The following SMARCC1 variants were observed in gnomAD, a reference collection of about 807,000 sequenced individuals.
SMARCC1 encodes the protein SWI/SNF related BAF chromatin remodeling complex subunit C1.
A neutral mutation model predicts 147.4 loss-of-function variants in SMARCC1; 43 were observed. The ratio of observed to expected loss-of-function variants is 0.29; its 90% confidence interval spans 0.23 to 0.38. The LOEUF (loss-of-function observed/expected upper bound fraction) is 0.38. SMARCC1 is among the 10% of genes least tolerant of loss of function. SMARCC1 has a pLI of 1.00. For missense variants in SMARCC1, 1,119 were observed against 1,381.1 expected (o/e 0.81, Z 3.01); for synonymous variants, 495 against 484.4 (o/e 1.02, Z -0.29).
intron 24 of SMARCC1, 64 bp from the exon 25 acceptor site, chr3:47,622,405 G>A: frequency 6.9e-7 from 1 of 1,453,958 alleles, no homozygotes; most frequent in East Asian, 2.3e-5. Flanking sequence ...TTAAGAAAAT[G>A]CTGACAATAT....
intron 24 of SMARCC1, among the ~76,000 whole-genome samples, chr3:47,628,412 C>T (rs934428845): frequency 3.3e-5 from 5 of 152,172 alleles, no homozygotes; most frequent in Non-Finnish European, 5.9e-5. Flanking sequence ...ATCCTTCCAA[C>T]TAGACAAAAA....
rs1317731447 is a variant in SMARCC1, at chr3:47,675,591, G to A, written c.1726-3C>T. The A allele has an allele frequency of 6.7e-7, 1 of 1,493,812 alleles. No homozygotes were observed. Among genetic ancestry groups the A allele is most frequent in the South Asian group, 1.1e-5 (1 of 88,472 alleles). 92.5% of individuals were successfully genotyped at this position (1,493,812 alleles called of 1,614,324 possible). On this transcript the variant is annotated splice_polypyrimidine_tract_variant and splice_region_variant and intron_variant, in intron 17 of 27. Coordinates refer to ENST00000254480, the MANE Select transcript of SMARCC1 (RefSeq NM_003074.4). ...AGCATCTGTTGAGCAGCAGGAACCT[G>A]AGTCAAATAAATGATAAATGGCTGA...
At chr3:47,678,412 AC>A in intron 15 of SMARCC1, 101 bp from the exon 16 acceptor site, 1 of 535,012 alleles carries the variant, frequency 1.9e-6, no homozygotes, top group African/African-American at 2.0e-5. Context: ...AAATACAACA[AC>A]AAATTAAGAC....
intron 12 of SMARCC1, 146 bp downstream of exon 12, chr3:47,693,095 A>T: frequency 1.6e-6 from 1 of 616,422 alleles, no homozygotes; most frequent in South Asian, 2.2e-5. Flanking sequence ...GCTGGAGCCC[A>T]GAAGTTTAAA....
intron 19 of SMARCC1, among the ~76,000 whole-genome samples, chr3:47,664,955 T>C (rs2033403523): frequency 6.6e-6 from 1 of 152,156 alleles, no homozygotes; most frequent in Admixed American, 6.6e-5. Context: ...ACAATAGTTG[T>C]CTCCATGTTT....
At chr3:47,703,586 T>C (rs1481971561) in intron 10 of SMARCC1, among the ~76,000 whole-genome samples, 1 of 152,076 alleles carries the variant, frequency 6.6e-6, no homozygotes, top group Non-Finnish European at 1.5e-5. Context: ...AAAAACACAC[T>C]TGCTTTGGGA....
chr3:47,687,096 A>G (rs965635729), intron 13 of SMARCC1, among the ~76,000 whole-genome samples: 4 of 152,230 alleles, frequency 2.6e-5, no homozygotes, highest in Non-Finnish European at 4.4e-5. Context: ...CTGTTACAGT[A>G]TTTGAAGTGA....
At chr3:47,711,216 C>T (rs907379758) in intron 8 of SMARCC1, among the ~76,000 whole-genome samples, 1 of 152,116 alleles carries the variant, frequency 6.6e-6, no homozygotes, top group Non-Finnish European at 1.5e-5. Context: ...TCGCAGAGGC[C>T]GATCACCTGC....
intron 2 of SMARCC1, among the ~76,000 whole-genome samples, chr3:47,755,765 G>C (rs2034689617): frequency 2.0e-5 from 3 of 151,164 alleles, no homozygotes; most frequent in Non-Finnish European, 4.4e-5. Flanking sequence ...GGCCGAGGCG[G>C]GCCGATCACA....
At chr3:47,735,992 G>A in intron 5 of SMARCC1, 42 bp downstream of exon 5, 2 of 885,666 alleles carry the variant, frequency 2.3e-6, no homozygotes, top group Non-Finnish European at 3.5e-6. Flanking sequence ...ACAAAATGAA[G>A]TGATCGTGTC....
In SMARCC1 at chr3:47,590,081, C is replaced by G. The variant is rs570777582; in HGVS notation, c.3220+580G>C. Among the ~76,000 whole-genome samples, 13 of 152,306 alleles carry G rather than the reference C, an allele frequency of 8.5e-5. No homozygotes were observed. In the East Asian group the frequency reaches 1.9e-3, roughly 23 times the overall value. On this transcript the variant is annotated intron_variant, in intron 27 of 27. Transcript: ENST00000254480. ...GAGCCTATGGGAGAAATGACCTGGT[C>G]TCTAAACACAGCCTCAGACAAGTAT...
chr3:47,716,073 G>C (rs1202900662), intron 7 of SMARCC1, among the ~76,000 whole-genome samples: 2 of 151,072 alleles, frequency 1.3e-5, no homozygotes, highest in African/African-American at 4.9e-5. Flanking sequence ...CTAGTATGAT[G>C]ACAAGTATTA....
intron 5 of SMARCC1, among the ~76,000 whole-genome samples, chr3:47,729,634 C>T (rs558782096): frequency 8.6e-4 from 131 of 152,296 alleles, no homozygotes; most frequent in Non-Finnish European, 1.7e-3. Flanking sequence ...GAGCTGCCTG[C>T]CTTGGCCTTC....
intron 21 of SMARCC1, among the ~76,000 whole-genome samples, chr3:47,657,115 T>C (rs751007236): frequency 9.2e-5 from 14 of 152,096 alleles, no homozygotes; most frequent in Non-Finnish European, 1.8e-4. Context: ...AGTCTCTAAA[T>C]ACATAAAGCA....
intron 7 of SMARCC1, among the ~76,000 whole-genome samples, chr3:47,716,551 A>G (rs969449779): frequency 1.4e-4 from 21 of 152,182 alleles, no homozygotes; most frequent in Non-Finnish European, 2.8e-4. Context: ...CTTAAGACAA[A>G]ACCTGAGCCA....
chr3:47,762,344 T>C (rs1020290409), intron 2 of SMARCC1, among the ~76,000 whole-genome samples: 2 of 152,190 alleles, frequency 1.3e-5, no homozygotes, highest in Non-Finnish European at 2.9e-5. Flanking sequence ...GAAAACAGAC[T>C]GTTAAAGTGA....
At chr3:47,720,512 A>C (rs534264551) in intron 7 of SMARCC1, among the ~76,000 whole-genome samples, 154 bp downstream of exon 7, 1 of 152,292 alleles carries the variant, frequency 6.6e-6, no homozygotes, top group African/African-American at 2.4e-5. Context: ...TTGTACCTTA[A>C]ATAAGAAAAC....
intron 2 of SMARCC1, among the ~76,000 whole-genome samples, chr3:47,747,067 G>A (rs1043479352): frequency 6.6e-6 from 1 of 151,834 alleles, no homozygotes; most frequent in Non-Finnish European, 1.5e-5. Flanking sequence ...ACACCAAGGT[G>A]AAAGAATCAC....
chr3:47,738,481 C>T (rs972980785), intron 3 of SMARCC1, among the ~76,000 whole-genome samples: 20 of 152,172 alleles, frequency 1.3e-4, no homozygotes, highest in African/African-American at 3.9e-4. Flanking sequence ...ATCAAGAGTT[C>T]AAGACCAGCC....
Sources: gnomAD v4.1 joint callset for allele counts (sites outside exome capture counted in the v4.1 genomes callset) on GRCh38, gnomAD v4.1.1 for gene constraint, MANE v1.5 for transcripts, NCBI Gene and HGNC (gene_info 2026-07-23, HGNC 2026-07-21) for gene names.